The following GTF3C1 variants were observed in gnomAD, a reference collection of about 807,000 sequenced individuals.
GTF3C1 encodes the protein general transcription factor IIIC subunit 1, also known as general transcription factor 3C polypeptide 1.
GTF3C1 carries 57 observed loss-of-function variants against 226.7 expected under a neutral mutation model. The observed-to-expected ratio is 0.25, with a 90% confidence interval of 0.20 to 0.31. The LOEUF (loss-of-function observed/expected upper bound fraction) is 0.31. Ranked by LOEUF, GTF3C1 falls within the 10% of genes least tolerant of loss-of-function variation. The pLI is 1.00. For missense variants in GTF3C1, 2,217 were observed against 2,776.1 expected (o/e 0.80, Z 4.53); for synonymous variants, 1,090 against 1,084.8 (o/e 1.00, Z -0.09).
Position 27,469,244 on chromosome 16 carries a change from A to G in GTF3C1, c.5074+47T>C. On this transcript the variant is annotated intron_variant, in intron 32 of 36. Coordinates refer to ENST00000356183, the MANE Select transcript of GTF3C1 (RefSeq NM_001520.4). This position sits in a 1 kb window ranked among gnomAD's most constrained non-coding sequence, Gnocchi z 4.5. The stretch of plus-strand genomic sequence containing the variant: ...AGGCCAGGCCTCAGGGTCTTCCTGG[A>G]TGATGGCGAGGCCAGGCCCTCCCAC... 2 of 1,514,202 alleles carry G rather than the reference A, an allele frequency of 1.3e-6. No homozygotes were observed. Among genetic ancestry groups the G allele is most frequent in the Non-Finnish European group, 1.8e-6 (2 of 1,124,354 alleles). 93.8% of individuals were successfully genotyped at this position (1,514,202 alleles called of 1,614,324 possible).
intron 2 of GTF3C1, among the ~76,000 whole-genome samples, chr16:27,542,708 G>C (rs997590550): frequency 6.6e-6 from 1 of 152,140 alleles, no homozygotes; most frequent in African/African-American, 2.4e-5. Context: ...CTTCTCTTGG[G>C]AATGGATTAG....
At chr16:27,527,901 G>A (rs1463651692) in intron 6 of GTF3C1, among the ~76,000 whole-genome samples, 2 of 151,906 alleles carry the variant, frequency 1.3e-5, no homozygotes, top group Non-Finnish European at 2.9e-5. Flanking sequence ...TTGAGCCCAG[G>A]AAGTGGAGAT....
At chr16:27,475,352 T>C (rs545119567) in intron 29 of GTF3C1, among the ~76,000 whole-genome samples, 8 of 152,286 alleles carry the variant, frequency 5.3e-5, no homozygotes, top group Non-Finnish European at 7.4e-5. Context: ...ATTAGGAAAG[T>C]CCCTTTGTTT....
At chr16:27,464,988 G>T in intron 33 of GTF3C1, 152 bp from the exon 34 acceptor site, 2 of 688,352 alleles carry the variant, frequency 2.9e-6, no homozygotes, top group South Asian at 2.0e-5. Context: ...TAGCCCCGGG[G>T]CTGCCCCTTG....
rs528585242 is a variant in GTF3C1 at position 27,506,068 on chromosome 16, G to C, written c.1601C>G (p.Ser534Cys). 6 of 1,613,990 alleles carry C rather than the reference G, an allele frequency of 3.7e-6. No homozygotes were observed. Among genetic ancestry groups the C allele is most frequent in the East Asian group, 2.2e-5 (1 of 44,890 alleles). The change falls in exon 10 of 37, where the codon TCC becomes TGC. Residue 534 changes from serine (S) to cysteine (C), a missense_variant. Physicochemically the swap from Ser to Cys is moderately radical, Grantham distance 112. This residue lies in a region of GTF3C1 where 173 missense variants were observed against 207.2 expected (regional missense o/e 0.83). Coordinates refer to ENST00000356183, the MANE Select transcript of GTF3C1 (RefSeq NM_001520.4). ...NLHPLKKQPPSFPGAAEERAC... is the reference protein window; with the variant it reads ...NLHPLKKQPPCFPGAAEERAC... ...TCTCTCTTCAGCAGCTCCTGGGAAG[G>C]AGGGCGGCTGCTTTTTCAATGGGTG... is the stretch of plus-strand genomic sequence containing the variant.
At position 27,476,575 on chromosome 16, in the gene GTF3C1, A is replaced by G. The variant is rs776402652; in HGVS notation, c.4260-31T>C. On this transcript the variant is annotated intron_variant, in intron 28 of 36. Coordinates refer to ENST00000356183, the MANE Select transcript of GTF3C1 (RefSeq NM_001520.4). ...AGAGAGGGGGCAGCAGGGCACCATG[A>G]GACCACAGGCACTGCTCAGCTCAGG... 24 of 1,261,074 alleles carry G rather than the reference A, an allele frequency of 1.9e-5. No individual in the cohort carries two copies. The South Asian group carries it at 2.9e-4, about 15-fold the overall frequency. 78.1% of individuals were successfully genotyped at this position (1,261,074 alleles called of 1,614,324 possible). A position where few individuals can be genotyped will look rare whatever the true frequency, so the allele number is the denominator to read the frequency against.
At chr16:27,541,792 G>A (rs1314843594) in intron 2 of GTF3C1, among the ~76,000 whole-genome samples, 1 of 152,176 alleles carries the variant, frequency 6.6e-6, no homozygotes, top group Non-Finnish European at 1.5e-5. Context: ...TGGGTGAGCA[G>A]AGGCACAATC....
chr16:27,466,740 C>T (rs2087792320), intron 32 of GTF3C1, among the ~76,000 whole-genome samples: 1 of 152,232 alleles, frequency 6.6e-6, no homozygotes, highest in Non-Finnish European at 1.5e-5. Flanking sequence ...AAAAGTGCTA[C>T]TCCAGGGAAC....
At chr16:27,518,066 G>A (rs2088687660) in intron 6 of GTF3C1, among the ~76,000 whole-genome samples, 1 of 152,156 alleles carries the variant, frequency 6.6e-6, no homozygotes, top group African/African-American at 2.4e-5. Flanking sequence ...AAGCAAGTTG[G>A]GAACAAACGA....
chr16:27,499,789 A>ACCAGCTCCACAC (rs1461142818), intron 12 of GTF3C1, among the ~76,000 whole-genome samples: 1 of 152,250 alleles, frequency 6.6e-6, no homozygotes, highest in Non-Finnish European at 1.5e-5. Flanking sequence ...ACACAGGAGC[A>ACCAGCTCCACAC]AAGGCAAAAG....
intron 7 of GTF3C1, among the ~76,000 whole-genome samples, chr16:27,511,538 C>CA (rs1367151118): frequency 6.6e-6 from 1 of 152,342 alleles, no homozygotes; most frequent in East Asian, 1.9e-4. Context: ...AAATGGGACT[C>CA]AGAGACCTCA....
At position 27,470,151 on chromosome 16, in the gene GTF3C1, T is replaced by C. The variant is rs576242849; in HGVS notation, c.4771A>G (p.Ile1591Val). ...SVDVRIPEQI[I>V]VVDSSMVENE... ...TCCACCATTGAGCTGTCTACCACGATGATCTGCTCCGGGATCCTGACATCC... is the reference window on the plus strand; with the variant it reads ...TCCACCATTGAGCTGTCTACCACGACGATCTGCTCCGGGATCCTGACATCC... Residue 1591 changes from isoleucine to valine, a missense_variant, in exon 31 of 37, where the codon ATC (isoleucine) becomes GTC (valine). By Grantham distance (29) the Ile-to-Val change is conservative. Transcript: ENST00000356183. This position sits in a 1 kb window ranked among gnomAD's most constrained non-coding sequence, Gnocchi z 4.9. 1.3e-5 allele frequency: 21 copies of C among 1,614,064 alleles called. No homozygotes were observed. In the African/African-American group the frequency reaches 2.5e-4, roughly 19 times the overall value.
At chr16:27,512,031 C>T (rs1031915049) in intron 6 of GTF3C1, 130 bp from the exon 7 acceptor site, 7 of 937,730 alleles carry the variant, frequency 7.5e-6, no homozygotes, top group African/African-American at 5.0e-5. Flanking sequence ...CACATATCAC[C>T]GTGTCTGGAC....
At chr16:27,498,550 AG>A (rs978814712) in intron 13 of GTF3C1, 79 bp downstream of exon 13, 4 of 790,096 alleles carry the variant, frequency 5.1e-6, no homozygotes, top group Non-Finnish European at 7.0e-6. Context: ...GTATAAAGAA[AG>A]GGCTCTTCTG....
intron 27 of GTF3C1, among the ~76,000 whole-genome samples, chr16:27,479,540 G>A (rs1442832405): frequency 1.3e-5 from 2 of 152,124 alleles, no homozygotes; most frequent in Non-Finnish European, 1.5e-5. Context: ...TTCAGAAAAC[G>A]TGAAAACCAC....
intron 4 of GTF3C1, among the ~76,000 whole-genome samples, 192 bp from the exon 5 acceptor site, chr16:27,533,579 G>A (rs530855520): frequency 6.6e-6 from 1 of 152,208 alleles, no homozygotes; most frequent in Non-Finnish European, 1.5e-5. Flanking sequence ...GGCTGTGAGA[G>A]GTTCTGTCAC....
At chr16:27,529,694 A>G (rs2088886198) in intron 5 of GTF3C1, among the ~76,000 whole-genome samples, 1 of 152,228 alleles carries the variant, frequency 6.6e-6, no homozygotes, top group African/African-American at 2.4e-5. Flanking sequence ...TCACATTAAA[A>G]AAGACCTAGA....
chr16:27,515,005 CT>C (rs1373209736), intron 6 of GTF3C1, among the ~76,000 whole-genome samples: 1 of 152,332 alleles, frequency 6.6e-6, no homozygotes, highest in African/African-American at 2.4e-5. Context: ...ATTTCTTCTC[CT>C]TTTAAGCTTC....
chr16:27,469,702 G>T lies in GTF3C1; in HGVS notation c.4815-152C>A. ...ATTACCAAGGCTGGTGTGGATGGCTGCCCCAGATCCATCCCCTTTCCCACC... is the reference window on the plus strand; with the variant it reads ...ATTACCAAGGCTGGTGTGGATGGCTTCCCCAGATCCATCCCCTTTCCCACC... On this transcript the variant is annotated intron_variant, in intron 31 of 36. Transcript: ENST00000356183. The surrounding 1 kb of genome is among the most constrained non-coding windows in gnomAD (Gnocchi z 4.5). 1.2e-6 allele frequency: 1 copy of T among 814,184 alleles called. No individual in the cohort carries two copies. Among genetic ancestry groups the T allele is most frequent in the Non-Finnish European group, 2.0e-6 (1 of 510,458 alleles). The allele number at this position is 814,184 out of a possible 1,614,324, so 50.4% of individuals were successfully genotyped here. A position where few individuals can be genotyped will look rare whatever the true frequency, so the allele number is the denominator to read the frequency against.
Sources: gnomAD v4.1 joint callset for allele counts (sites outside exome capture counted in the v4.1 genomes callset) on GRCh38, gnomAD v4.1.1 for gene constraint, gnomAD v4.1.1 regional missense constraint, Gnocchi (gnomAD v3.1) non-coding constraint, MANE v1.5 for transcripts, NCBI Gene and HGNC (gene_info 2026-07-23, HGNC 2026-07-21) for gene names.